LRBA: variants seen among roughly 807,000 people sequenced by gnomAD.
The protein encoded by LRBA is LPS responsive beige-like anchor protein.
In LRBA, 176 loss-of-function variants were observed where a neutral mutation model predicts 330.0. The ratio of observed to expected loss-of-function variants is 0.53; its 90% CI spans 0.47 to 0.60. The LOEUF is 0.60. Ranked by LOEUF, LRBA falls within the 20% of genes least tolerant of loss-of-function variation. The probability of loss-of-function intolerance (pLI) is 0.00; values close to 1 mark genes in which losing one functional copy is unlikely to be tolerated. For missense variants in LRBA, 3,259 were observed against 3,444.8 expected (o/e 0.95, Z 1.35); for synonymous variants, 1,230 against 1,193.0 (o/e 1.03, Z -0.64).
chr4:150,538,466 A>G (rs1764925077), intron 40 of LRBA, among the ~76,000 whole-genome samples: 1 of 152,206 alleles, frequency 6.6e-6, no homozygotes, highest in Non-Finnish European at 1.5e-5. Context: ...ATAACAAAGA[A>G]TAAAATCATG....
intron 28 of LRBA, among the ~76,000 whole-genome samples, chr4:150,837,753 A>G (rs535048622): frequency 6.6e-6 from 1 of 152,294 alleles, no homozygotes; most frequent in East Asian, 1.9e-4. Flanking sequence ...CCAATTTGCC[A>G]GTCTGTGTCT....
At chr4:150,700,405 G>A (rs1169812755) in intron 36 of LRBA, among the ~76,000 whole-genome samples, 2 of 152,070 alleles carry the variant, frequency 1.3e-5, no homozygotes, top group Non-Finnish European at 2.9e-5. Context: ...TGGTAAAAAT[G>A]GGTATAAAAC....
At chr4:150,569,052 G>A (rs1030634902) in intron 40 of LRBA, among the ~76,000 whole-genome samples, 3 of 152,144 alleles carry the variant, frequency 2.0e-5, no homozygotes, top group African/African-American at 4.8e-5. Context: ...CTACCTCAAG[G>A]GCTTGCTGTA....
intron 44 of LRBA, among the ~76,000 whole-genome samples, chr4:150,450,728 G>A (rs952322392): frequency 2.6e-5 from 4 of 152,036 alleles, no homozygotes; most frequent in South Asian, 2.1e-4. Flanking sequence ...TTGAAAACAC[G>A]TAAAATAAAA....
intron 47 of LRBA, among the ~76,000 whole-genome samples, chr4:150,411,469 C>A (rs1746986787): frequency 2.0e-5 from 3 of 152,238 alleles, no homozygotes; most frequent in African/African-American, 4.8e-5. Context: ...TTAATTAATT[C>A]TCTGATCCCC....
chr4:150,379,831 AAAG>A, intron 47 of LRBA, among the ~76,000 whole-genome samples: 1 of 152,234 alleles, frequency 6.6e-6, no homozygotes, highest in South Asian at 2.1e-4. Context: ...AGCCAAATAG[AAAG>A]CAAACCATGA....
intron 41 of LRBA, among the ~76,000 whole-genome samples, chr4:150,489,088 TAAG>T (rs565730615): frequency 0.02 from 1,340 of 67,482 alleles, 38 homozygotes; most frequent in African/African-American, 0.073. Context: ...TAATATTATA[TAAG>T]AATATACAAT....
intron 44 of LRBA, among the ~76,000 whole-genome samples, chr4:150,458,058 A>C (rs1754307962): frequency 6.6e-6 from 1 of 151,874 alleles, no homozygotes; most frequent in Non-Finnish European, 1.5e-5. Flanking sequence ...TTTTCTGACT[A>C]ATGTTAAAAA....
At chr4:150,942,437 A>G (rs1484276989) in intron 2 of LRBA, among the ~76,000 whole-genome samples, 1 of 152,132 alleles carries the variant, frequency 6.6e-6, no homozygotes, top group Non-Finnish European at 1.5e-5. Flanking sequence ...CTTAAGGCCC[A>G]GCTCAAGAAA....
chr4:150,498,398 C>T (rs898730414), intron 40 of LRBA, among the ~76,000 whole-genome samples: 2 of 152,040 alleles, frequency 1.3e-5, no homozygotes, highest in Non-Finnish European at 2.9e-5. Context: ...AAAAGCCAAA[C>T]GTAGTAATGA....
chr4:150,765,887 A>G (rs1002322266), intron 34 of LRBA, among the ~76,000 whole-genome samples: 5 of 152,108 alleles, frequency 3.3e-5, no homozygotes, highest in African/African-American at 1.2e-4. Context: ...TAGACTGAAA[A>G]CCAGTTAAAG....
In LRBA at chr4:150,923,756, G is replaced by A. The variant is rs28495083; in HGVS notation, c.550-2463C>T. Reference sequence around the variant, plus strand: ...TTATAACCAAATAAGAAAAGTGTGGGGCATTCCTCCTTGTTAAAAATGTAA... The same window carrying A: ...TTATAACCAAATAAGAAAAGTGTGGAGCATTCCTCCTTGTTAAAAATGTAA... On this transcript the variant is annotated intron_variant, in intron 4 of 56. Coordinates refer to ENST00000651943, the MANE Select transcript of LRBA (RefSeq NM_001364905.1). 4.1e-3 allele frequency among the ~76,000 whole-genome samples: 631 copies of A among 152,114 alleles called. 3 individuals carry two copies. Among genetic ancestry groups the A allele is most frequent in the African/African-American group, 0.015 (611 of 41,488 alleles).
chr4:150,928,560 G>C lies in LRBA; in HGVS notation c.505C>G (p.Leu169Val). 6.2e-7 allele frequency: 1 copy of C among 1,613,758 alleles called. No homozygotes were observed. The highest frequency in any genetic ancestry group is 8.5e-7 in the Non-Finnish European group (1 of 1,179,840). ...LASYNLTVRELKLFFSKLQGD... is the reference protein window; with the variant it reads ...LASYNLTVREVKLFFSKLQGD... ...TGAAGTTTACTGAAGAAAAGCTTTA[G>C]CTCGCGAACTGTCAAATTATAGCTA... The change falls in exon 4 of 57, where the codon CTA (leucine) becomes GTA (valine). Residue 169 changes from leucine (L) to valine (V), a missense_variant. Leu to Val is a conservative substitution (Grantham distance 32). Transcript: ENST00000651943.
intron 40 of LRBA, among the ~76,000 whole-genome samples, chr4:150,571,322 AAC>A (rs1769812052): frequency 6.6e-6 from 1 of 152,090 alleles, no homozygotes; most frequent in Non-Finnish European, 1.5e-5. Context: ...CCAACAGAAA[AAC>A]ACAGATTAAA....
At chr4:150,798,478 T>C (rs1741121838) in intron 33 of LRBA, among the ~76,000 whole-genome samples, 1 of 152,182 alleles carries the variant, frequency 6.6e-6, no homozygotes, top group African/African-American at 2.4e-5. Context: ...TTGATCGTTA[T>C]ACATGCAGAG....
chr4:150,724,885 T>TATA (rs1282834266), intron 36 of LRBA, among the ~76,000 whole-genome samples: 3 of 146,534 alleles, frequency 2.0e-5, no homozygotes, highest in Non-Finnish European at 4.5e-5. Context: ...TATATATACA[T>TATA]ATATATATGT....
chr4:150,612,252 T>C lies in LRBA; in HGVS notation c.5922-13121A>G, dbSNP rs150771829. On this transcript the variant is annotated intron_variant, in intron 37 of 56. Coordinates refer to ENST00000651943, the MANE Select transcript of LRBA (RefSeq NM_001364905.1). ...GCATAACATTTTTATCTTTAAATAA[T>C]TTTTTAAAGTTTACATGAAGAAAAA... 8.3e-3 allele frequency among the ~76,000 whole-genome samples: 1,261 copies of C among 152,314 alleles called. 12 individuals are homozygous for C. Among genetic ancestry groups the C allele is most frequent in the African/African-American group, 0.029 (1,195 of 41,554 alleles).
chr4:150,819,373 A>G (rs911831519), intron 30 of LRBA, among the ~76,000 whole-genome samples: 7 of 151,972 alleles, frequency 4.6e-5, no homozygotes, highest in Admixed American at 6.6e-5. Context: ...AACTCATCAA[A>G]TGGTACACTT....
Position 150,940,508 on chromosome 4 carries a change from T to C in LRBA, c.217-11443A>G, listed in dbSNP as rs151025703. On this transcript the variant is annotated intron_variant, in intron 2 of 56. Coordinates refer to ENST00000651943, the MANE Select transcript of LRBA (RefSeq NM_001364905.1). The stretch of plus-strand genomic sequence containing the variant: ...TATTGTTAACCTGGTATTGGATATA[T>C]GCAGGTACATTTTAATGGTTTTTAA... 2.1e-4 allele frequency among the ~76,000 whole-genome samples: 32 copies of C among 152,370 alleles called. No homozygotes were observed. The East Asian group carries it at 4.4e-3, about 21-fold the overall frequency.
Sources: gnomAD v4.1 joint callset for allele counts (sites outside exome capture counted in the v4.1 genomes callset) on GRCh38, gnomAD v4.1.1 for gene constraint, MANE v1.5 for transcripts, NCBI Gene and HGNC (gene_info 2026-07-23, HGNC 2026-07-21) for gene names.